Variants in ANKRD30B observed in about 807,000 individuals in gnomAD.
ANKRD30B encodes ankyrin repeat domain-containing protein 30B.
In ANKRD30B, 144 loss-of-function variants were observed where a neutral mutation model predicts 202.2. That is an observed-to-expected ratio of 0.71 (90% CI 0.62 to 0.82). The LOEUF (loss-of-function observed/expected upper bound fraction) is 0.82, where lower values mean the gene tolerates loss of function less well. ANKRD30B is among the 40% of genes least tolerant of loss of function. The pLI is 0.00. For synonymous variants in ANKRD30B, 508 were observed against 561.3 expected (o/e 0.91, Z 1.34); for missense variants, 1,487 against 1,669.1 (o/e 0.89, Z 1.90).
chr18:14,898,363 C>T, the ANKRD30B span, among the ~76,000 whole-genome samples: 3 of 152,006 alleles, frequency 2.0e-5, no homozygotes, highest in South Asian at 2.1e-4. Context: ...TCATAAGGAG[C>T]GCAAAACCTA....
the ANKRD30B span, among the ~76,000 whole-genome samples, chr18:14,926,962 C>A: frequency 6.6e-6 from 1 of 151,784 alleles, no homozygotes; most frequent in African/African-American, 2.4e-5. Context: ...TGTGTGTACT[C>A]TCTTTATAGA....
At chr18:14,777,012 GT>G (rs1967400135) in intron 9 of ANKRD30B, among the ~76,000 whole-genome samples, 1 of 152,206 alleles carries the variant, frequency 6.6e-6, no homozygotes, top group Non-Finnish European at 1.5e-5. Context: ...TATGTCAAGT[GT>G]TTAATCATAT....
chr18:14,874,844 T>C, the ANKRD30B span, among the ~76,000 whole-genome samples: 60,719 of 152,176 alleles, frequency 0.4, 13,523 homozygotes, highest in East Asian at 0.58. Flanking sequence ...TGCAGAGTCC[T>C]GAGCCCTTTC....
At chr18:14,753,341 T>C (rs1240790458) in intron 3 of ANKRD30B, among the ~76,000 whole-genome samples, 5 of 152,118 alleles carry the variant, frequency 3.3e-5, no homozygotes, top group Non-Finnish European at 7.3e-5. Flanking sequence ...TGAGTCAACA[T>C]GTAAAATTTA....
intron 30 of ANKRD30B, among the ~76,000 whole-genome samples, chr18:14,821,040 A>G (rs969287887): frequency 3.9e-5 from 6 of 152,086 alleles, no homozygotes; most frequent in African/African-American, 1.4e-4. Flanking sequence ...ACAATTTCAG[A>G]TCCTGTTATT....
In ANKRD30B at chr18:14,814,718, A is replaced by C. The variant is rs1970002094; in HGVS notation, c.2641+7A>C. On this transcript the variant is annotated splice_region_variant and intron_variant, in intron 30 of 43. Coordinates refer to ENST00000690538, the MANE Select transcript of ANKRD30B (RefSeq NM_001367607.2). ...TTAAGTGGAAAATTAGAAGGTAAGA[A>C]CCATATTTTATTTAAAAAGTCATTT... 1 of 950,046 alleles carries C rather than the reference A, an allele frequency of 1.1e-6. No homozygotes were observed. The highest frequency in any genetic ancestry group is 1.7e-5 in the South Asian group (1 of 57,180). The allele number at this position is 950,046 out of a possible 1,614,324, so 58.9% of individuals were successfully genotyped here.
Position 14,850,278 on chromosome 18 carries a change from C to G in ANKRD30B, c.3460C>G (p.Pro1154Ala), listed in dbSNP as rs766030393. 5 of 1,590,470 alleles carry G rather than the reference C, an allele frequency of 3.1e-6. No individual in the cohort carries two copies. The highest frequency in any genetic ancestry group is 4.3e-6 in the Non-Finnish European group (5 of 1,169,698). Residue 1154 changes from proline to alanine, a missense_variant, in exon 41 of 44, where the codon CCC (proline) becomes GCC (alanine). Physicochemically the swap from Pro to Ala is conservative, Grantham distance 27. This residue lies in a region of ANKRD30B where 177 missense variants were observed against 216.4 expected (regional missense o/e 0.82). Coordinates refer to ENST00000690538, the MANE Select transcript of ANKRD30B (RefSeq NM_001367607.2). ...CGATATATTAAAAGAAAAAATTAGA[C>G]CCGAAGAGCAACTTAGGAAAAAGTT... Reference protein sequence around the residue: ...NVDILKEKIRPEEQLRKKLEV... With the variant: ...NVDILKEKIRAEEQLRKKLEV...
chr18:14,816,205 G>A (rs577659007), intron 30 of ANKRD30B: 1 of 152,198 alleles, frequency 6.6e-6, no homozygotes, highest in African/African-American at 2.4e-5. Context: ...TCTGATTCAG[G>A]ATCACTTATC....
At chr18:14,911,386 T>G in the ANKRD30B span, among the ~76,000 whole-genome samples, 1 of 152,178 alleles carries the variant, frequency 6.6e-6, no homozygotes, top group Non-Finnish European at 1.5e-5. Context: ...ACAGTGTCTT[T>G]TCTCCAGTGT....
the ANKRD30B span, among the ~76,000 whole-genome samples, chr18:14,893,833 A>G: frequency 3.3e-5 from 5 of 151,234 alleles, no homozygotes; most frequent in African/African-American, 1.2e-4. Context: ...ATTTGTGCTT[A>G]AGAGAAGTTT....
chr18:14,868,623 C>G, the ANKRD30B span, among the ~76,000 whole-genome samples: 2 of 152,218 alleles, frequency 1.3e-5, no homozygotes, highest in Non-Finnish European at 2.9e-5. Flanking sequence ...CTCTGGGCAC[C>G]CTTTGGGCCA....
chr18:14,764,687 C>G (rs1915821392), intron 7 of ANKRD30B, among the ~76,000 whole-genome samples: 1 of 152,142 alleles, frequency 6.6e-6, no homozygotes, highest in Admixed American at 6.5e-5. Flanking sequence ...TGCGCCCAGT[C>G]AGGATCCCAC....
rs1257075264 is a variant in ANKRD30B, at chr18:14,774,988, G to A, written c.1329+2760G>A. ...TAAAAACACAACAAAGTAGACGGGC[G>A]TGGTGGCGGGCGCCTGTAGTCCCAG... On this transcript the variant is annotated intron_variant, in intron 9 of 43. Transcript: ENST00000690538. Among the ~76,000 whole-genome samples the A allele has an allele frequency of 1.1e-4, 16 of 152,208 alleles. No individual in the cohort carries two copies. In the South Asian group the frequency reaches 1.2e-3, roughly 12 times the overall value.
chr18:14,861,026 G>T, the ANKRD30B span, among the ~76,000 whole-genome samples: 2 of 152,148 alleles, frequency 1.3e-5, no homozygotes, highest in African/African-American at 2.4e-5. Context: ...TAACCTGCCA[G>T]ACTGAGCTTC....
intron 34 of ANKRD30B, 121 bp from the exon 35 acceptor site, chr18:14,837,090 G>C (rs1280988724): frequency 2.1e-5 from 13 of 628,224 alleles, no homozygotes; most frequent in Non-Finnish European, 1.1e-5. Context: ...CAGATACAAA[G>C]TATGTTTTTT....
intron 34 of ANKRD30B, 143 bp downstream of exon 34, chr18:14,831,598 A>G (rs1248849761): frequency 2.3e-5 from 12 of 527,758 alleles, no homozygotes; most frequent in Admixed American, 8.0e-5. Flanking sequence ...ATTTTATAGA[A>G]ATATGAGTAG....
At chr18:14,917,016 C>G in the ANKRD30B span, among the ~76,000 whole-genome samples, 22 of 152,222 alleles carry the variant, frequency 1.4e-4, no homozygotes, top group Non-Finnish European at 2.9e-4. Context: ...CCAACTCAGC[C>G]GGGGGCTGCT....
chr18:14,868,609 CT>C, the ANKRD30B span, among the ~76,000 whole-genome samples: 2 of 152,246 alleles, frequency 1.3e-5, no homozygotes, highest in East Asian at 3.8e-4. Flanking sequence ...GGCAGGTCCC[CT>C]GCCTCTGGGC....
chr18:14,849,657 C>T (rs1971802409), intron 40 of ANKRD30B, among the ~76,000 whole-genome samples: 1 of 151,352 alleles, frequency 6.6e-6, no homozygotes, highest in Non-Finnish European at 1.5e-5. Flanking sequence ...TAATACTCAA[C>T]AAGATATGTT....
Sources: allele counts gnomAD v4.1 joint callset (sites outside exome capture counted in the v4.1 genomes callset), GRCh38; gene constraint gnomAD v4.1.1; regional missense constraint gnomAD v4.1.1; transcripts MANE v1.5; gene names NCBI Gene and HGNC (gene_info 2026-07-23, HGNC 2026-07-21).